Variants in RORB observed in about 807,000 individuals in gnomAD.
RORB encodes RAR related orphan receptor B.
Under a neutral mutation model 59.1 loss-of-function variants are expected in RORB, and 6 were observed. The ratio of observed to expected loss-of-function variants is 0.10; its 90% confidence interval spans 0.06 to 0.20. RORB has a LOEUF of 0.20. Ranked by LOEUF, RORB falls within the 10% of genes least tolerant of loss-of-function variation. The pLI is 1.00. For synonymous variants in RORB, 215 were observed against 204.5 expected (o/e 1.05, Z -0.44); for missense variants, 320 against 560.5 (o/e 0.57, Z 4.33).
At chr9:74,537,383 A>G (rs367814264) in intron 1 of RORB, among the ~76,000 whole-genome samples, 1 of 151,918 alleles carries the variant, frequency 6.6e-6, no homozygotes, top group Admixed American at 6.6e-5. Flanking sequence ...TTTTTCTCTT[A>G]CTCACTTTTG....
chr9:74,521,014 C>T (rs1826078947), intron 1 of RORB, among the ~76,000 whole-genome samples: 1 of 151,830 alleles, frequency 6.6e-6, no homozygotes, highest in South Asian at 2.1e-4. Flanking sequence ...AACCAGATGC[C>T]AATTGGCATT....
At chr9:74,565,612 A>T (rs996188702) in intron 1 of RORB, among the ~76,000 whole-genome samples, 1 of 152,180 alleles carries the variant, frequency 6.6e-6, no homozygotes, top group African/African-American at 2.4e-5. Context: ...GTTAAGATGA[A>T]AATTATTTAT....
At chr9:74,519,113 C>T (rs1232694434) in intron 1 of RORB, among the ~76,000 whole-genome samples, 3 of 151,860 alleles carry the variant, frequency 2.0e-5, no homozygotes, top group Non-Finnish European at 4.4e-5. Context: ...TCCTAAGAAC[C>T]TATTTTCATA....
chr9:74,580,930 C>T (rs2118257023), intron 1 of RORB, among the ~76,000 whole-genome samples: 1 of 152,138 alleles, frequency 6.6e-6, no homozygotes, highest in East Asian at 1.9e-4. Context: ...GAATCAAATA[C>T]TCCATTGAAT....
chr9:74,543,951 T>G (rs939944206), intron 1 of RORB, among the ~76,000 whole-genome samples: 8 of 152,204 alleles, frequency 5.3e-5, no homozygotes, highest in African/African-American at 1.9e-4. Flanking sequence ...ATAGAACACC[T>G]TGAAACTAGA....
At chr9:74,508,796 A>T (rs976827691) in intron 1 of RORB, among the ~76,000 whole-genome samples, 5 of 152,044 alleles carry the variant, frequency 3.3e-5, no homozygotes, top group African/African-American at 1.2e-4. Context: ...AAATGAGAAA[A>T]ATCGATGACT....
chr9:74,600,485 C>A (rs1823038218), intron 1 of RORB, among the ~76,000 whole-genome samples: 1 of 152,146 alleles, frequency 6.6e-6, no homozygotes, highest in African/African-American at 2.4e-5. Context: ...TCATGAAGTC[C>A]TTCTGAGGCA....
chr9:74,585,719 C>A (rs1402723461), intron 1 of RORB, among the ~76,000 whole-genome samples: 1 of 152,060 alleles, frequency 6.6e-6, no homozygotes, highest in Non-Finnish European at 1.5e-5. Context: ...CAATTCTAAC[C>A]CTATGTAAGC....
chr9:74,614,396 A>T (rs184752355), intron 1 of RORB, among the ~76,000 whole-genome samples: 1 of 152,208 alleles, frequency 6.6e-6, no homozygotes, highest in East Asian at 1.9e-4. Context: ...TTTTAAAAAA[A>T]AGCCATTTGT....
At chr9:74,516,953 G>A (rs1826019604) in intron 1 of RORB, among the ~76,000 whole-genome samples, 1 of 151,976 alleles carries the variant, frequency 6.6e-6, no homozygotes, top group South Asian at 2.1e-4. Context: ...GCTGTGGAAG[G>A]TTGATTTGTT....
chr9:74,531,392 A>C (rs536722621), intron 1 of RORB, among the ~76,000 whole-genome samples: 11 of 152,134 alleles, frequency 7.2e-5, no homozygotes, highest in Non-Finnish European at 1.5e-4. Context: ...CAAAGTTTTC[A>C]GTTTTCTATG....
In RORB at chr9:74,642,490, G is replaced by T. The variant is rs1419404812; in HGVS notation, c.312G>T (p.Leu104=). 2 of 1,614,236 alleles carry T rather than the reference G, an allele frequency of 1.2e-6. No homozygotes were observed. Among genetic ancestry groups the T allele is most frequent in the Admixed American group, 3.3e-5 (2 of 60,034 alleles). ...YAEVQKHQQR[L]QEQRQQQSGE... ...AGGTGCAGAAGCACCAGCAGCGGCT[G>T]CAGGAACAGCGGCAGCAGCAGAGTG... The change falls in exon 4 of 10, where the codon CTG becomes CTT. Residue 104 remains leucine (L), a synonymous_variant. Transcript: ENST00000376896.
intron 3 of RORB, among the ~76,000 whole-genome samples, chr9:74,641,810 G>A (rs1823811602): frequency 6.6e-6 from 1 of 152,078 alleles, no homozygotes; most frequent in African/African-American, 2.4e-5. Context: ...AGGAGGCCAA[G>A]GTGGGAGGAT....
Position 74,620,510 on chromosome 9 carries a change from AT to A in RORB, c.8-9765del, listed in dbSNP as rs542277387. ...AAAAAACCAGCTCCTGGATTCACTGATTTTTTTGAAGGGTTTTTTTGTGTCT... is the reference window on the plus strand; with the variant it reads ...AAAAAACCAGCTCCTGGATTCACTGATTTTTTGAAGGGTTTTTTTGTGTCT... On this transcript the variant is annotated intron_variant, in intron 1 of 9. Coordinates refer to ENST00000376896, the MANE Select transcript of RORB (RefSeq NM_006914.4). Among the ~76,000 whole-genome samples, 1,071 of 151,868 alleles carry A rather than the reference AT, an allele frequency of 7.1e-3. 7 individuals are homozygous for A. Among genetic ancestry groups the A allele is most frequent in the Admixed American group, 0.01 (159 of 15,246 alleles).
intron 1 of RORB, among the ~76,000 whole-genome samples, chr9:74,616,629 CTGT>C (rs1823316845): frequency 6.6e-6 from 1 of 152,158 alleles, no homozygotes; most frequent in African/African-American, 2.4e-5. Flanking sequence ...ATTGTTGCTG[CTGT>C]TGTTCAGAAA....
chr9:74,503,171 T>C (rs1825824512), intron 1 of RORB, among the ~76,000 whole-genome samples: 1 of 152,086 alleles, frequency 6.6e-6, no homozygotes. Flanking sequence ...TGTGATATAA[T>C]GAATGATGAC....
chr9:74,665,647 C>G, intron 7 of RORB, 52 bp downstream of exon 7: 3 of 1,139,982 alleles, frequency 2.6e-6, no homozygotes, highest in Non-Finnish European at 4.0e-6. Context: ...ATCAGTTTCT[C>G]CACTTAGATT....
intron 4 of RORB, among the ~76,000 whole-genome samples, chr9:74,645,603 CTG>C (rs1224928983): frequency 2.0e-5 from 3 of 152,084 alleles, no homozygotes; most frequent in Admixed American, 6.6e-5. Context: ...AATAATATAA[CTG>C]TTATTTTAAT....
chr9:74,575,060 T>C (rs1402086466), intron 1 of RORB, among the ~76,000 whole-genome samples: 1 of 152,162 alleles, frequency 6.6e-6, no homozygotes, highest in East Asian at 1.9e-4. Context: ...GAAAAACTGC[T>C]TGAGCCATGT....
Sources: gnomAD v4.1 joint callset for allele counts (sites outside exome capture counted in the v4.1 genomes callset) on GRCh38, gnomAD v4.1.1 for gene constraint, MANE v1.5 for transcripts, NCBI Gene and HGNC (gene_info 2026-07-23, HGNC 2026-07-21) for gene names.